Variants in SP100 observed in about 807,000 individuals in gnomAD.
SP100 encodes the protein nuclear autoantigen Sp-100.
In SP100, 84 loss-of-function variants were observed where a neutral mutation model predicts 130.0. The ratio of observed to expected loss-of-function variants is 0.65; its 90% CI spans 0.54 to 0.77. The LOEUF (loss-of-function observed/expected upper bound fraction) is 0.77, where lower values mean the gene tolerates loss of function less well. SP100 is among the 30% of genes least tolerant of loss of function. The pLI is 0.00. For synonymous variants in SP100, 331 were observed against 351.7 expected, an observed-to-expected ratio of 0.94 and a Z score of 0.66; for missense variants, 978 against 1,052.2, an observed-to-expected ratio of 0.93 and a Z score of 0.97.
At chr2:230,508,314 T>A in intron 23 of SP100, 5 of 317,908 alleles carry the variant, frequency 1.6e-5, no homozygotes, top group South Asian at 5.1e-5. Context: ...TGCCATACTT[T>A]TTTTTTTTTT....
intron 19 of SP100, among the ~76,000 whole-genome samples, chr2:230,499,467 ACT>A (rs5839370): frequency 1.1e-3 from 33 of 29,474 alleles, no homozygotes; most frequent in Admixed American, 2.4e-3. Flanking sequence ...CTTCATATAG[ACT>A]CTCTCTCTCT....
In SP100 at chr2:230,444,422, T is replaced by C. The variant is rs906893193; in HGVS notation, c.439+76T>C. On this transcript the variant is annotated intron_variant, in intron 4 of 28. Transcript: ENST00000340126. ...ATAAGTATATACTGATCTCCTACCATGAGTGACATGTTGTGTTGGGCAGTG... is the reference window on the plus strand; with the variant it reads ...ATAAGTATATACTGATCTCCTACCACGAGTGACATGTTGTGTTGGGCAGTG... The C allele has an allele frequency of 5.8e-6, 7 of 1,198,436 alleles. No homozygotes were observed. The East Asian group carries it at 1.7e-4, about 29-fold the overall frequency. The allele number at this position is 1,198,436 out of a possible 1,614,324, so 74.2% of individuals were successfully genotyped here. A position where few individuals can be genotyped will look rare whatever the true frequency, so the allele number is the denominator to read the frequency against.
chr2:230,498,444 T>C lies in SP100; in HGVS notation c.1646-17T>C. The C allele has an allele frequency of 1.4e-6, 2 of 1,440,060 alleles. No individual in the cohort carries two copies. Among genetic ancestry groups the C allele is most frequent in the Non-Finnish European group, 1.9e-6 (2 of 1,073,252 alleles). 89.2% of individuals were successfully genotyped at this position (1,440,060 alleles called of 1,614,324 possible). A position where few individuals can be genotyped will look rare whatever the true frequency, so the allele number is the denominator to read the frequency against. On this transcript the variant is annotated splice_polypyrimidine_tract_variant and intron_variant, in intron 18 of 28. Transcript: ENST00000340126. Reference sequence around the variant, plus strand: ...GTTTTTTACACCATCCATATTTATATTTTCCTATTTTCTCAGGGAGAAAGA... The same window carrying C: ...GTTTTTTACACCATCCATATTTATACTTTCCTATTTTCTCAGGGAGAAAGA...
At chr2:230,416,820 G>A (rs1027465715) in intron 1 of SP100, 2 of 985,514 alleles carry the variant, frequency 2.0e-6, no homozygotes, top group Admixed American at 6.1e-5. Flanking sequence ...ACTGGCTCAG[G>A]GTCTGAGTTC....
chr2:230,431,705 C>T (rs2063105199), intron 2 of SP100, among the ~76,000 whole-genome samples: 1 of 152,088 alleles, frequency 6.6e-6, no homozygotes, highest in Non-Finnish European at 1.5e-5. Flanking sequence ...CTCTTTCTTT[C>T]TATTCTCTTC....
chr2:230,449,596 C>T lies in SP100; in HGVS notation c.622C>T (p.Pro208Ser). The part of the protein sequence containing the change: ...TPPENGLSEH[P>S]CETEQINAKR... ...ACCTGAAAATGGACTCTCAGAGCAC[C>T]CCTGTGAAACAGAACAGATAAATGC... Residue 208 changes from proline to serine, a missense_variant, in exon 7 of 29, where the codon CCC (proline) becomes TCC (serine). Pro to Ser is a moderately conservative substitution (Grantham distance 74). Coordinates refer to ENST00000340126, the MANE Select transcript of SP100 (RefSeq NM_001080391.2). The T allele has an allele frequency of 6.2e-7, 1 of 1,614,002 alleles. No homozygotes were observed. The highest frequency in any genetic ancestry group is 8.5e-7 in the Non-Finnish European group (1 of 1,179,988).
intron 24 of SP100, among the ~76,000 whole-genome samples, chr2:230,512,353 G>A (rs957678371): frequency 5.7e-5 from 7 of 123,680 alleles, no homozygotes; most frequent in East Asian, 2.7e-4. Flanking sequence ...CCAGTGGCAC[G>A]ATCTTGCCTC....
intron 24 of SP100, among the ~76,000 whole-genome samples, chr2:230,535,091 G>T (rs889130400): frequency 6.6e-6 from 1 of 152,156 alleles, no homozygotes; most frequent in Admixed American, 6.5e-5. Flanking sequence ...AGCTACTCGG[G>T]AGTCTGAGGC....
intron 18 of SP100, 31 bp from the exon 19 acceptor site, chr2:230,498,430 C>T (rs1429204138): frequency 7.5e-7 from 1 of 1,334,794 alleles, no homozygotes; most frequent in Non-Finnish European, 1.0e-6. Context: ...TTTTTTACAC[C>T]ATCCATATTT....
chr2:230,506,114 A>G (rs1430609172), intron 21 of SP100, among the ~76,000 whole-genome samples, 189 bp from the exon 22 acceptor site: 6 of 152,214 alleles, frequency 3.9e-5, no homozygotes, highest in Non-Finnish European at 7.3e-5. Flanking sequence ...ATGTACACAC[A>G]TGACAGAGAG....
At chr2:230,439,993 C>A (rs1316594266) in intron 2 of SP100, among the ~76,000 whole-genome samples, 1 of 151,926 alleles carries the variant, frequency 6.6e-6, no homozygotes, top group African/African-American at 2.4e-5. Flanking sequence ...ATTTTCAAAT[C>A]TTTTCGAAAG....
At chr2:230,494,248 T>C (rs985838715) in intron 17 of SP100, among the ~76,000 whole-genome samples, 168 bp from the exon 18 acceptor site, 2 of 152,110 alleles carry the variant, frequency 1.3e-5, no homozygotes, top group African/African-American at 4.8e-5. Flanking sequence ...TTTGTGGTTA[T>C]TGGTTTCTGC....
At position 230,449,717 on chromosome 2, in the gene SP100, C is replaced by G. The variant is rs376620482; in HGVS notation, c.736+7C>G. ...CAAAAGGCTGAGCCAACAGGTAAGA[C>G]TGACTGGGTTGGCATGAATGGGGAG... On this transcript the variant is annotated splice_region_variant and intron_variant, in intron 7 of 28. Coordinates refer to ENST00000340126, the MANE Select transcript of SP100 (RefSeq NM_001080391.2). 6.2e-7 allele frequency: 1 copy of G among 1,613,956 alleles called. No individual in the cohort carries two copies. Among genetic ancestry groups the G allele is most frequent in the South Asian group, 1.1e-5 (1 of 91,056 alleles).
chr2:230,518,032 G>A (rs1036174988), intron 24 of SP100, among the ~76,000 whole-genome samples: 2 of 151,996 alleles, frequency 1.3e-5, no homozygotes, highest in Admixed American at 1.3e-4. Context: ...GACTTAGACT[G>A]TTTGCGAAAC....
At chr2:230,444,847 A>G (rs558302596) in intron 4 of SP100, among the ~76,000 whole-genome samples, 5 of 152,326 alleles carry the variant, frequency 3.3e-5, no homozygotes, top group African/African-American at 9.6e-5. Context: ...AGAGTTATCA[A>G]TTGAAGGAAG....
At chr2:230,475,943 T>C (rs2065522347) in intron 17 of SP100, among the ~76,000 whole-genome samples, 1 of 152,224 alleles carries the variant, frequency 6.6e-6, no homozygotes, top group African/African-American at 2.4e-5. Flanking sequence ...ACTGTAGCCT[T>C]ATAGTATAGT....
chr2:230,518,957 A>T (rs1691045956), intron 24 of SP100, among the ~76,000 whole-genome samples: 1 of 152,192 alleles, frequency 6.6e-6, no homozygotes, highest in Admixed American at 6.6e-5. Flanking sequence ...GTTACTACAG[A>T]GAGGTTTTAT....
chr2:230,530,135 A>C (rs552103183), intron 24 of SP100, among the ~76,000 whole-genome samples: 2 of 152,316 alleles, frequency 1.3e-5, no homozygotes, highest in East Asian at 3.9e-4. Context: ...AATCCTAAGC[A>C]AAAAGAACAA....
chr2:230,458,314 G>T (rs1174796248), intron 8 of SP100, among the ~76,000 whole-genome samples: 1 of 152,240 alleles, frequency 6.6e-6, no homozygotes, highest in Non-Finnish European at 1.5e-5. Context: ...ATAAGGAAGA[G>T]AAAATATATT....
Sources: gnomAD v4.1 joint callset for allele counts (sites outside exome capture counted in the v4.1 genomes callset) on GRCh38, gnomAD v4.1.1 for gene constraint, MANE v1.5 for transcripts, NCBI Gene and HGNC (gene_info 2026-07-23, HGNC 2026-07-21) for gene names.